The following PXDNL variants were observed in gnomAD, a reference collection of about 807,000 sequenced individuals.
PXDNL encodes peroxidasin like.
Under a neutral mutation model 150.8 loss-of-function variants are expected in PXDNL, and 145 were observed. The observed-to-expected ratio is 0.96, with a 90% CI of 0.84 to 1.10. The LOEUF (loss-of-function observed/expected upper bound fraction) is 1.10. Among genes scored for constraint, PXDNL ranks in the 50% least tolerant of loss-of-function variants. The pLI, the probability that PXDNL is intolerant of heterozygous loss-of-function variation, is 0.00. For synonymous variants in PXDNL, 757 were observed against 725.7 expected, an observed-to-expected ratio of 1.04 and a Z score of -0.69; for missense variants, 2,087 against 1,873.9, an observed-to-expected ratio of 1.11 and a Z score of -2.10.
chr8:51,641,423 A>C (rs148922525), intron 2 of PXDNL, among the ~76,000 whole-genome samples: 56,109 of 147,434 alleles, frequency 0.38, 13,405 homozygotes, highest in African/African-American at 0.68. Flanking sequence ...AGGCAACCTA[A>C]AAAATGGGAG....
intron 5 of PXDNL, among the ~76,000 whole-genome samples, chr8:51,497,591 G>A (rs1350856090): frequency 5.9e-5 from 9 of 151,990 alleles, no homozygotes; most frequent in Non-Finnish European, 1.3e-4. Context: ...CAAGAAAAAA[G>A]CAAACAACCC....
At chr8:51,711,426 C>A (rs562934607) in intron 1 of PXDNL, among the ~76,000 whole-genome samples, 2 of 152,330 alleles carry the variant, frequency 1.3e-5, no homozygotes, top group South Asian at 4.1e-4. Flanking sequence ...GCATGAGCCA[C>A]CGGACCCAGC....
At chr8:51,751,571 G>C (rs775655791) in intron 1 of PXDNL, among the ~76,000 whole-genome samples, 2 of 152,102 alleles carry the variant, frequency 1.3e-5, no homozygotes, top group South Asian at 4.1e-4. Flanking sequence ...CCATAGATTC[G>C]AAAGGTCTCA....
intron 12 of PXDNL, among the ~76,000 whole-genome samples, chr8:51,427,442 GA>G (rs1394892682): frequency 6.8e-6 from 1 of 146,968 alleles, no homozygotes; most frequent in Non-Finnish European, 1.5e-5. Context: ...TACAAACAAA[GA>G]AAAAAAAAGA....
At chr8:51,347,204 G>A (rs2976982) in intron 19 of PXDNL, among the ~76,000 whole-genome samples, 7,804 of 152,172 alleles carry the variant, frequency 0.051, 292 homozygotes, top group Non-Finnish European at 0.08. Flanking sequence ...TGGGCAGCTA[G>A]CAAGTTATTC....
chr8:51,793,442 A>G (rs1390641735), intron 1 of PXDNL, among the ~76,000 whole-genome samples: 7 of 152,232 alleles, frequency 4.6e-5, no homozygotes, highest in African/African-American at 1.7e-4. Flanking sequence ...CCTCCAAATG[A>G]TCACAACACC....
At chr8:51,379,026 T>A (rs1029003676) in intron 17 of PXDNL, among the ~76,000 whole-genome samples, 1 of 152,176 alleles carries the variant, frequency 6.6e-6, no homozygotes, top group Admixed American at 6.5e-5. Flanking sequence ...GGGCTCCTCT[T>A]GCCACAGCGC....
chr8:51,496,000 A>T (rs921869721), intron 5 of PXDNL, among the ~76,000 whole-genome samples: 3 of 152,044 alleles, frequency 2.0e-5, no homozygotes, highest in African/African-American at 7.2e-5. Flanking sequence ...TAGACCAATG[A>T]CCCTGATGAA....
At chr8:51,444,186 T>C (rs1168368129) in intron 12 of PXDNL, among the ~76,000 whole-genome samples, 2 of 152,226 alleles carry the variant, frequency 1.3e-5, no homozygotes, top group East Asian at 1.9e-4. Context: ...TATAATGATA[T>C]ACTCCTACCA....
chr8:51,531,692 A>G (rs2130433651), intron 4 of PXDNL, among the ~76,000 whole-genome samples: 2 of 152,330 alleles, frequency 1.3e-5, no homozygotes, highest in South Asian at 4.1e-4. Context: ...TATGGGCAAG[A>G]AGGAGCTTAA....
At chr8:51,440,279 A>G (rs1397137490) in intron 12 of PXDNL, among the ~76,000 whole-genome samples, 1 of 152,058 alleles carries the variant, frequency 6.6e-6, no homozygotes, top group Admixed American at 6.6e-5. Context: ...GATTCGGGGG[A>G]AAGGATGGGA....
intron 19 of PXDNL, among the ~76,000 whole-genome samples, chr8:51,346,709 C>T (rs948375365): frequency 1.3e-5 from 2 of 152,056 alleles, no homozygotes; most frequent in African/African-American, 4.8e-5. Flanking sequence ...CGTGGGACCT[C>T]CCGTACTCTC....
chr8:51,493,584 A>C (rs1810955776), intron 5 of PXDNL, among the ~76,000 whole-genome samples: 1 of 152,236 alleles, frequency 6.6e-6, no homozygotes, highest in Non-Finnish European at 1.5e-5. Flanking sequence ...AGAAGTCCTT[A>C]AAGGACCTGA....
chr8:51,574,339 G>A (rs889709037), intron 3 of PXDNL, among the ~76,000 whole-genome samples: 2 of 151,936 alleles, frequency 1.3e-5, no homozygotes, highest in Non-Finnish European at 2.9e-5. Flanking sequence ...TGCACTTGAT[G>A]AAGAGCAGTA....
chr8:51,648,133 T>C (rs1222163064), intron 2 of PXDNL, among the ~76,000 whole-genome samples: 1 of 152,176 alleles, frequency 6.6e-6, no homozygotes, highest in East Asian at 1.9e-4. Flanking sequence ...CTATAATTAC[T>C]CTCATTACGA....
At chr8:51,749,640 T>C (rs1290350576) in intron 1 of PXDNL, among the ~76,000 whole-genome samples, 1 of 152,196 alleles carries the variant, frequency 6.6e-6, no homozygotes, top group Non-Finnish European at 1.5e-5. Flanking sequence ...GCCTAGGACA[T>C]TACTGTACGC....
At chr8:51,689,877 G>A (rs1815954289) in intron 1 of PXDNL, among the ~76,000 whole-genome samples, 1 of 152,254 alleles carries the variant, frequency 6.6e-6, no homozygotes, top group African/African-American at 2.4e-5. Context: ...TGATAAATAC[G>A]AGCCTTCGGC....
intron 2 of PXDNL, among the ~76,000 whole-genome samples, chr8:51,644,318 T>TTATATTTATATATATATATATATA (rs1406776100): frequency 1.6e-5 from 1 of 63,270 alleles, no homozygotes; most frequent in Non-Finnish European, 4.2e-5. Context: ...AGGCACATTT[T>TTATATTTATATATATATATATATA]TACATATATA....
At chr8:51,609,260 C>T (rs1259078952) in intron 2 of PXDNL, among the ~76,000 whole-genome samples, 1 of 152,144 alleles carries the variant, frequency 6.6e-6, no homozygotes, top group Non-Finnish European at 1.5e-5. Context: ...TGATATCACA[C>T]AGTTGATTAA....
Sources: gnomAD v4.1 joint callset for allele counts (sites outside exome capture counted in the v4.1 genomes callset) on GRCh38, gnomAD v4.1.1 for gene constraint, MANE v1.5 for transcripts, NCBI Gene and HGNC (gene_info 2026-07-23, HGNC 2026-07-21) for gene names.